Variants in PAX3 observed in about 807,000 individuals in gnomAD.
PAX3 encodes the protein paired box protein Pax-3.
PAX3 carries 14 observed loss-of-function variants against 51.6 expected under a neutral mutation model. That is an observed-to-expected ratio of 0.27 (90% CI 0.18 to 0.42). PAX3 has a LOEUF of 0.42. Ranked by LOEUF, PAX3 falls within the 10% of genes least tolerant of loss-of-function variation. The pLI is 1.00. For synonymous variants in PAX3, 280 were observed against 253.4 expected, an observed-to-expected ratio of 1.11 and a Z score of -1.00; for missense variants, 540 against 642.8, an observed-to-expected ratio of 0.84 and a Z score of 1.73.
chr2:222,220,435 C>A (rs1427637790), intron 6 of PAX3, 81 bp from the exon 7 acceptor site: 2 of 1,278,864 alleles, frequency 1.6e-6, no homozygotes, highest in East Asian at 4.7e-5. Context: ...CATCAGCCAC[C>A]AGGCCATCAG....
chr2:222,201,690 C>T, intron 8 of PAX3: 1 of 1,445,462 alleles, frequency 6.9e-7, no homozygotes, highest in Non-Finnish European at 9.1e-7. Context: ...TTTGGCCAAC[C>T]CTTGTGTTTT....
At chr2:222,280,478 A>C (rs1694607929) in intron 4 of PAX3, among the ~76,000 whole-genome samples, 1 of 152,198 alleles carries the variant, frequency 6.6e-6, no homozygotes, top group Non-Finnish European at 1.5e-5. Flanking sequence ...GTTTAGTTTC[A>C]ATTTTCCTAA....
At chr2:222,205,580 A>G (rs1163859724) in intron 7 of PAX3, among the ~76,000 whole-genome samples, 1 of 152,220 alleles carries the variant, frequency 6.6e-6, no homozygotes, top group Non-Finnish European at 1.5e-5. Context: ...GGAATACAGC[A>G]CTAACATTTT....
At position 222,288,877 on chromosome 2, in the gene PAX3, G is replaced by T. The variant is rs147005594; in HGVS notation, c.586+5290C>A. Among the ~76,000 whole-genome samples, 407 of 152,326 alleles carry T rather than the reference G, an allele frequency of 2.7e-3. 2 individuals are homozygous for T. Among genetic ancestry groups the T allele is most frequent in the African/African-American group, 9.4e-3 (389 of 41,578 alleles). On this transcript the variant is annotated intron_variant, in intron 4 of 8. Transcript: ENST00000392070. The stretch of plus-strand genomic sequence containing the variant: ...TTTTCCAGGACAGATAAATTGAAAT[G>T]ATCCCGCTTTGATCTCTATGGTTAA...
At chr2:222,265,691 G>GAAGGAAGGAAGGAAGGAAGGAAGGAAGA (rs1553583540) in intron 4 of PAX3, among the ~76,000 whole-genome samples, 4 of 142,138 alleles carry the variant, frequency 2.8e-5, no homozygotes, top group South Asian at 2.3e-4. Flanking sequence ...AGGAAGGAAG[G>GAAGGAAGGAAGGAAGGAAGGAAGGAAGA]GAGAAAGATT....
Position 222,200,761 on chromosome 2 carries a change from A to G in PAX3, c.*647T>C. ...TTAGCAAGACATGTCCGGGCCATTT[A>G]TTGACAACTAGATTACAAATGAGGA... On this transcript the variant is annotated 3_prime_UTR_variant, in exon 9 of 9. Transcript: ENST00000392070. The G allele has an allele frequency of 7.3e-6, 2 of 274,288 alleles. No homozygotes were observed. Among genetic ancestry groups the G allele is most frequent in the Non-Finnish European group, 7.0e-6 (1 of 142,848 alleles). The allele number at this position is 274,288 out of a possible 1,614,324, so 17.0% of individuals were successfully genotyped here. A position where few individuals can be genotyped will look rare whatever the true frequency, so the allele number is the denominator to read the frequency against.
chr2:222,274,569 G>T (rs182391796), intron 4 of PAX3, among the ~76,000 whole-genome samples: 1 of 151,556 alleles, frequency 6.6e-6, no homozygotes, highest in African/African-American at 2.4e-5. Flanking sequence ...ACTTTAGAGT[G>T]GAAATGTTTT....
At chr2:222,261,601 C>CAAAAAA in intron 4 of PAX3, among the ~76,000 whole-genome samples, 1 of 109,156 alleles carries the variant, frequency 9.2e-6, no homozygotes, top group African/African-American at 3.5e-5. Context: ...ACAACAACAA[C>CAAAAAA]AAAAAAAAAA....
intron 4 of PAX3, among the ~76,000 whole-genome samples, chr2:222,276,404 G>A (rs1350887944): frequency 6.6e-6 from 1 of 152,150 alleles, no homozygotes; most frequent in African/African-American, 2.4e-5. Flanking sequence ...CAAAGACAAG[G>A]CAAGGTAGCA....
intron 4 of PAX3, among the ~76,000 whole-genome samples, chr2:222,259,215 G>A (rs1364994623): frequency 6.6e-6 from 1 of 152,114 alleles, no homozygotes; most frequent in Non-Finnish European, 1.5e-5. Context: ...CACAAAATGA[G>A]CACACACACG....
At position 222,297,175 on chromosome 2, in the gene PAX3, C is replaced by G. The variant is rs773327091; in HGVS notation, c.124G>C (p.Gly42Arg). ...PLGQGRVNQL[G>R]GVFINGRPLP... ...GGCCTGCCGTTGATAAAAACACCGC[C>G]GAGCTGGTTGACGCGGCCCTGGCCG... The change falls in exon 2 of 9, where the codon GGC becomes CGC. Residue 42 changes from glycine to arginine, a missense_variant. This residue lies in a region of PAX3 where 50 missense variants were observed against 109.3 expected (regional missense o/e 0.46). Transcript: ENST00000392070. 1 of 1,597,420 alleles carries G rather than the reference C, an allele frequency of 6.3e-7. No individual in the cohort carries two copies. The highest frequency in any genetic ancestry group is 1.1e-5 in the South Asian group (1 of 88,672).
rs1293113001 is a variant in PAX3 at position 222,298,692 on chromosome 2, C to A, written c.-77G>T. The A allele has an allele frequency of 4.3e-6, 6 of 1,385,282 alleles. No individual in the cohort carries two copies. Among genetic ancestry groups the A allele is most frequent in the African/African-American group, 1.4e-5 (1 of 69,804 alleles). The allele number at this position is 1,385,282 out of a possible 1,614,324, so 85.8% of individuals were successfully genotyped here. On this transcript the variant is annotated 5_prime_UTR_variant, in exon 1 of 9. Coordinates refer to ENST00000392070, the MANE Select transcript of PAX3 (RefSeq NM_181458.4). The stretch of plus-strand genomic sequence containing the variant: ...AGGCGAGTGCGGCGCGGATGACCCT[C>A]GGGAACTATCCGGAGCGTGGAGAGC...
Position 222,298,886 on chromosome 2 carries a change from T to C in PAX3, c.-271A>G. 1.8e-6 allele frequency: 1 copy of C among 544,624 alleles called. No individual in the cohort carries two copies. Among genetic ancestry groups the C allele is most frequent in the East Asian group, 3.1e-5 (1 of 32,510 alleles). 33.7% of individuals were successfully genotyped at this position (544,624 alleles called of 1,614,324 possible). On this transcript the variant is annotated 5_prime_UTR_variant, in exon 1 of 9. Transcript: ENST00000392070. ...GTTTGGTACGAGTCTGGGCAAATGT[T>C]CCAGCGACTGGGGTCCCTGAAAAGG...
Position 222,221,239 on chromosome 2 carries a change from GGCTGGTAAGAGGTCTCCGACA to G in PAX3, c.920_940del (p.Leu307_Gln313del). The G allele has an allele frequency of 6.2e-7, 1 of 1,613,942 alleles. No individual in the cohort carries two copies. Among genetic ancestry groups the G allele is most frequent in the African/African-American group, 1.3e-5 (1 of 75,006 alleles). ...CTCGGTACCTTGTGGAATAGATGTG[GGCTGGTAAGAGGTCTCCGACA>G]GCTGGTACGTTGGCAAGGTCGGCAT... is the stretch of plus-strand genomic sequence containing the variant. On this transcript the variant is annotated inframe_deletion, in exon 6 of 9. Transcript: ENST00000392070.
At chr2:222,283,211 A>C (rs1694707450) in intron 4 of PAX3, among the ~76,000 whole-genome samples, 1 of 152,278 alleles carries the variant, frequency 6.6e-6, no homozygotes, top group South Asian at 2.1e-4. Context: ...GCAGCTATAC[A>C]AACAAGACAT....
chr2:222,224,522 C>T (rs1291617068), intron 5 of PAX3, among the ~76,000 whole-genome samples: 1 of 152,170 alleles, frequency 6.6e-6, no homozygotes, highest in Non-Finnish European at 1.5e-5. Context: ...AAGAACTGGT[C>T]TTTGCCTTCT....
chr2:222,266,662 A>G (rs1694065451), intron 4 of PAX3, among the ~76,000 whole-genome samples: 1 of 152,224 alleles, frequency 6.6e-6, no homozygotes, highest in Admixed American at 6.5e-5. Flanking sequence ...CAATTAGTAC[A>G]TTATTATTTC....
intron 4 of PAX3, among the ~76,000 whole-genome samples, chr2:222,292,589 G>C (rs1039739772): frequency 1.3e-5 from 2 of 152,236 alleles, no homozygotes; most frequent in Admixed American, 1.3e-4. Flanking sequence ...TGAGTCCCCA[G>C]CCTCTGTGAC....
chr2:222,286,614 T>G (rs1213111948), intron 4 of PAX3, among the ~76,000 whole-genome samples: 1 of 152,258 alleles, frequency 6.6e-6, no homozygotes. Flanking sequence ...TGGTGCGAAC[T>G]TTGCTGTATG....
Sources: allele counts gnomAD v4.1 joint callset (sites outside exome capture counted in the v4.1 genomes callset), GRCh38; gene constraint gnomAD v4.1.1; regional missense constraint gnomAD v4.1.1; transcripts MANE v1.5; gene names NCBI Gene and HGNC (gene_info 2026-07-23, HGNC 2026-07-21).